Variants in PHACTR2 observed in about 807,000 individuals in gnomAD.
PHACTR2 encodes the protein chromosome 6 open reading frame 56.
Under a neutral mutation model 76.0 loss-of-function variants are expected in PHACTR2, and 30 were observed. The observed-to-expected ratio is 0.39, with a 90% confidence interval of 0.30 to 0.54. PHACTR2 has a LOEUF of 0.54. PHACTR2 is among the 20% of genes least tolerant of loss of function. PHACTR2 has a pLI of 0.61. For missense variants in PHACTR2, 696 were observed against 781.1 expected, an observed-to-expected ratio of 0.89 and a Z score of 1.30; for synonymous variants, 292 against 292.5, an observed-to-expected ratio of 1.00 and a Z score of 0.02.
chr6:143,821,599 A>G lies in PHACTR2; in HGVS notation c.1923-2075A>G, dbSNP rs1333273456. Among the ~76,000 whole-genome samples the G allele has an allele frequency of 6.6e-6, 1 of 152,246 alleles. No homozygotes were observed. Among genetic ancestry groups the G allele is most frequent in the Non-Finnish European group, 1.5e-5 (1 of 68,052 alleles). The stretch of plus-strand genomic sequence containing the variant: ...AAGCCAAAGGTTATGGGAACACAGG[A>G]AAGAGAGCAATTAGTGCTTCCCTGA... On this transcript the variant is annotated intron_variant, in intron 12 of 12. Coordinates refer to ENST00000440869, the MANE Select transcript of PHACTR2 (RefSeq NM_001100164.2). This position sits in a 1 kb window ranked among gnomAD's most constrained non-coding sequence, Gnocchi z 5.2.
chr6:143,736,538 T>C (rs1778823051), intron 2 of PHACTR2, among the ~76,000 whole-genome samples: 1 of 150,008 alleles, frequency 6.7e-6, no homozygotes, highest in South Asian at 2.1e-4. Flanking sequence ...CTGTAATTTA[T>C]GCCAAACCCT....
chr6:143,638,717 T>A (rs1286192044), intron 1 of PHACTR2, among the ~76,000 whole-genome samples: 1 of 152,156 alleles, frequency 6.6e-6, no homozygotes, highest in African/African-American at 2.4e-5. Flanking sequence ...GGCAGTGAAG[T>A]TAGAAGATGA....
intron 1 of PHACTR2, among the ~76,000 whole-genome samples, chr6:143,594,322 T>C (rs1005794759): frequency 3.9e-5 from 6 of 152,198 alleles, no homozygotes; most frequent in Non-Finnish European, 5.9e-5. Context: ...ACCATTGACA[T>C]TGCATGTGTA....
Position 143,596,404 on chromosome 6 carries a change from C to A in PHACTR2, c.217+59197C>A, listed in dbSNP as rs1775757245. Among the ~76,000 whole-genome samples, 1 of 152,122 alleles carries A rather than the reference C, an allele frequency of 6.6e-6. No individual in the cohort carries two copies. Among genetic ancestry groups the A allele is most frequent in the African/African-American group, 2.4e-5 (1 of 41,400 alleles). ...TACCTGAACTGCATTAAGAGAGAGA[C>A]ACTCTTACTTATATTTGTATCCCCA... On this transcript the variant is annotated intron_variant, in intron 1 of 11. Transcript: ENST00000367584. The surrounding 1 kb of genome is among the most constrained non-coding windows in gnomAD (Gnocchi z 4.6).
intron 4 of PHACTR2, among the ~76,000 whole-genome samples, chr6:143,756,666 T>G (rs1469062110): frequency 7.0e-6 from 1 of 141,920 alleles, no homozygotes; most frequent in Admixed American, 7.3e-5. Flanking sequence ...ACCACTGCAC[T>G]CCAGCCTGGG....
chr6:143,644,115 C>T (rs904367263), intron 1 of PHACTR2, among the ~76,000 whole-genome samples: 3 of 152,044 alleles, frequency 2.0e-5, no homozygotes, highest in African/African-American at 7.3e-5. Context: ...CCACCAGAAG[C>T]GAGGTGAAAG....
rs1776383803 is a variant in PHACTR2 at position 143,820,179 on chromosome 6, A to G, written c.1923-3495A>G. ...CCAGCATTGGGGATTATATTCCAAC[A>G]TGAGATTTGGCAGGGACAAATATCC... On this transcript the variant is annotated intron_variant, in intron 12 of 12. Coordinates refer to ENST00000440869, the MANE Select transcript of PHACTR2 (RefSeq NM_001100164.2). This position sits in a 1 kb window ranked among gnomAD's most constrained non-coding sequence, Gnocchi z 4.2. Among the ~76,000 whole-genome samples, 2 of 152,172 alleles carry G rather than the reference A, an allele frequency of 1.3e-5. No individual in the cohort carries two copies. The highest frequency in any genetic ancestry group is 4.8e-5 in the African/African-American group (2 of 41,432).
rs577697773 is a variant in PHACTR2 at position 143,764,963 on chromosome 6, G to A, written c.695-298G>A. The stretch of plus-strand genomic sequence containing the variant: ...CCGGGCTTTTTTCAAGTGAACCATA[G>A]ACAAGGGGCAGAAGATTCTCCCTTT... On this transcript the variant is annotated intron_variant, in intron 5 of 12. Transcript: ENST00000440869. This position sits in a 1 kb window ranked among gnomAD's most constrained non-coding sequence, Gnocchi z 4.7. Among the ~76,000 whole-genome samples the A allele has an allele frequency of 2.8e-4, 43 of 152,202 alleles. No individual in the cohort carries two copies. Among genetic ancestry groups the A allele is most frequent in the African/African-American group, 1.0e-3 (43 of 41,518 alleles).
chr6:143,726,356 T>C (rs367679262), intron 2 of PHACTR2, among the ~76,000 whole-genome samples: 1 of 152,230 alleles, frequency 6.6e-6, no homozygotes, highest in East Asian at 1.9e-4. Context: ...TCAATATATT[T>C]ACATTGTTCT....
At chr6:143,634,542 C>T (rs948354851) in intron 1 of PHACTR2, among the ~76,000 whole-genome samples, 2 of 152,140 alleles carry the variant, frequency 1.3e-5, no homozygotes, top group Non-Finnish European at 2.9e-5. Context: ...TGCTACTGAT[C>T]AGTTTGTGTT....
chr6:143,548,004 G>C lies in PHACTR2; in HGVS notation c.217+10797G>C, dbSNP rs1460413944. On this transcript the variant is annotated intron_variant, in intron 1 of 11. Transcript: ENST00000367584. The surrounding 1 kb of genome is among the most constrained non-coding windows in gnomAD (Gnocchi z 4.5). ...GTGTATCATCTATCTATCTTATTTT[G>C]GCCTACTATAACAAACTGTCATAGA... 2.0e-5 allele frequency among the ~76,000 whole-genome samples: 3 copies of C among 150,576 alleles called. No homozygotes were observed. The highest frequency in any genetic ancestry group is 7.4e-5 in the African/African-American group (3 of 40,764).
intron 1 of PHACTR2, among the ~76,000 whole-genome samples, chr6:143,632,787 C>A (rs1308413928): frequency 6.6e-6 from 1 of 152,174 alleles, no homozygotes; most frequent in Non-Finnish European, 1.5e-5. Context: ...TAAATCCTGG[C>A]AACCACTGAC....
chr6:143,657,387 C>T (rs1036844735), intron 1 of PHACTR2, among the ~76,000 whole-genome samples: 2 of 152,100 alleles, frequency 1.3e-5, no homozygotes, highest in Non-Finnish European at 2.9e-5. Context: ...CCTTCCCAGT[C>T]AGTCCCCACC....
At chr6:143,747,820 G>A (rs1333283548) in intron 2 of PHACTR2, among the ~76,000 whole-genome samples, 1 of 152,160 alleles carries the variant, frequency 6.6e-6, no homozygotes, top group Non-Finnish European at 1.5e-5. Flanking sequence ...TAGATGACAT[G>A]ACCACATGTT....
chr6:143,655,531 A>G (rs1776834612), intron 1 of PHACTR2, among the ~76,000 whole-genome samples: 1 of 152,260 alleles, frequency 6.6e-6, no homozygotes, highest in Non-Finnish European at 1.5e-5. Flanking sequence ...ATTAGAGAAT[A>G]TGGAATATGT....
chr6:143,611,290 C>T lies in PHACTR2; in HGVS notation c.13+2968C>T, dbSNP rs1775970819. 2.0e-5 allele frequency among the ~76,000 whole-genome samples: 3 copies of T among 152,170 alleles called. No homozygotes were observed. The South Asian group carries it at 6.2e-4, about 32-fold the overall frequency. ...AGGTGGCAGCTGCTGAGAGCCCCTGCGCCTTCACCGTGCATTCTAGCTCAG... is the reference window on the plus strand; with the variant it reads ...AGGTGGCAGCTGCTGAGAGCCCCTGTGCCTTCACCGTGCATTCTAGCTCAG... On this transcript the variant is annotated intron_variant, in intron 1 of 11. Transcript: ENST00000305766. This position sits in a 1 kb window ranked among gnomAD's most constrained non-coding sequence, Gnocchi z 4.4.
chr6:143,772,544 A>G lies in PHACTR2; in HGVS notation c.1432+87A>G. The G allele has an allele frequency of 2.2e-6, 2 of 892,330 alleles. No individual in the cohort carries two copies. Among genetic ancestry groups the G allele is most frequent in the Non-Finnish European group, 3.6e-6 (2 of 561,590 alleles). 55.3% of individuals were successfully genotyped at this position (892,330 alleles called of 1,614,324 possible). On this transcript the variant is annotated intron_variant, in intron 7 of 12. Transcript: ENST00000440869. This position sits in a 1 kb window ranked among gnomAD's most constrained non-coding sequence, Gnocchi z 5.4. The stretch of plus-strand genomic sequence containing the variant: ...ATAAAGAATAAAAGCCTCATTAGGA[A>G]CCAGACATCTGATGTTTTCTTTCCC...
At chr6:143,771,134 ATATATATATG>A (rs1188850400) in intron 6 of PHACTR2, among the ~76,000 whole-genome samples, 1 of 40,266 alleles carries the variant, frequency 2.5e-5, no homozygotes, top group African/African-American at 8.4e-5. Flanking sequence ...TACTTTACAT[ATATATATATG>A]TATATATATA....
At position 143,580,101 on chromosome 6, in the gene PHACTR2, C is replaced by G. The variant is rs1476277047; in HGVS notation, c.217+42894C>G. Reference sequence around the variant, plus strand: ...ACCACTGTCTTCTCTCAGCATGAGCCAGAAAGAAAATCAAGAGAGGGATAG... The same window carrying G: ...ACCACTGTCTTCTCTCAGCATGAGCGAGAAAGAAAATCAAGAGAGGGATAG... On this transcript the variant is annotated intron_variant, in intron 1 of 11. Transcript: ENST00000367584. This position sits in a 1 kb window ranked among gnomAD's most constrained non-coding sequence, Gnocchi z 4.2. Among the ~76,000 whole-genome samples, 1 of 152,158 alleles carries G rather than the reference C, an allele frequency of 6.6e-6. No individual in the cohort carries two copies. The highest frequency in any genetic ancestry group is 1.5e-5 in the Non-Finnish European group (1 of 68,026).
Sources: gnomAD v4.1 joint callset for allele counts (sites outside exome capture counted in the v4.1 genomes callset) on GRCh38, gnomAD v4.1.1 for gene constraint, Gnocchi (gnomAD v3.1) non-coding constraint, MANE v1.5 for transcripts, NCBI Gene and HGNC (gene_info 2026-07-23, HGNC 2026-07-21) for gene names.